Variants in AFG2A observed in about 807,000 individuals in gnomAD.
AFG2A encodes AAA ATPase AFG2A.
chr4:123,151,534 G>A, the AFG2A span, among the ~76,000 whole-genome samples: 8 of 152,086 alleles, frequency 5.3e-5, no homozygotes, highest in African/African-American at 1.9e-4. Context: ...AGAAAAAAAG[G>A]TCATCACTGG....
chr4:123,171,862 C>T, the AFG2A span, among the ~76,000 whole-genome samples: 6 of 151,744 alleles, frequency 4.0e-5, no homozygotes, highest in Non-Finnish European at 7.4e-5. Context: ...CTGTGTGTGA[C>T]GTAGTTTAAA....
chr4:123,090,971 T>C, the AFG2A span, among the ~76,000 whole-genome samples: 1 of 152,222 alleles, frequency 6.6e-6, no homozygotes, highest in Admixed American at 6.5e-5. Context: ...CATTGCAAGC[T>C]AGTCTCTCAA....
chr4:122,996,367 T>C, the AFG2A span, among the ~76,000 whole-genome samples: 1 of 152,172 alleles, frequency 6.6e-6, no homozygotes, highest in African/African-American at 2.4e-5. Flanking sequence ...AACTTAATTT[T>C]AGTTGAATGG....
the AFG2A span, among the ~76,000 whole-genome samples, chr4:122,936,946 C>A: frequency 6.6e-6 from 1 of 152,156 alleles, no homozygotes; most frequent in African/African-American, 2.4e-5. Context: ...TGCCATTGCA[C>A]TCCAGCATGG....
At chr4:123,114,653 C>T in the AFG2A span, among the ~76,000 whole-genome samples, 1 of 152,236 alleles carries the variant, frequency 6.6e-6, no homozygotes. Context: ...CACCAGGAGA[C>T]CCAGGCCCAC....
chr4:123,043,760 T>A, the AFG2A span, among the ~76,000 whole-genome samples: 1 of 152,218 alleles, frequency 6.6e-6, no homozygotes, highest in African/African-American at 2.4e-5. Flanking sequence ...CCCATTGAAA[T>A]TCCTGCAAAA....
chr4:122,944,478 C>G, the AFG2A span, among the ~76,000 whole-genome samples: 8 of 152,224 alleles, frequency 5.3e-5, no homozygotes, highest in African/African-American at 1.4e-4. Flanking sequence ...CCTTGGCTTT[C>G]AGCTCCATCA....
At chr4:123,198,969 C>A in the AFG2A span, among the ~76,000 whole-genome samples, 1 of 152,136 alleles carries the variant, frequency 6.6e-6, no homozygotes, top group Non-Finnish European at 1.5e-5. Context: ...TTAATACTGG[C>A]AGACTTGAGG....
the AFG2A span, among the ~76,000 whole-genome samples, chr4:123,076,875 A>T: frequency 1.3e-5 from 2 of 151,890 alleles, no homozygotes; most frequent in African/African-American, 4.8e-5. Flanking sequence ...ATGTTTCAGA[A>T]GTACCACAGA....
chr4:123,071,777 T>C, the AFG2A span, among the ~76,000 whole-genome samples: 2 of 152,254 alleles, frequency 1.3e-5, no homozygotes, highest in Non-Finnish European at 2.9e-5. Flanking sequence ...TGCTGAATGT[T>C]GATCATAATC....
the AFG2A span, among the ~76,000 whole-genome samples, chr4:123,137,446 T>C: frequency 6.6e-6 from 1 of 152,212 alleles, no homozygotes; most frequent in South Asian, 2.1e-4. Flanking sequence ...CATTTATCAA[T>C]TGTTGCACCC....
chr4:123,133,287 A>G, the AFG2A span, among the ~76,000 whole-genome samples: 1 of 152,196 alleles, frequency 6.6e-6, no homozygotes, highest in East Asian at 1.9e-4. Context: ...TGAAACAATG[A>G]CAACATTGGT....
chr4:122,960,937 A>C, the AFG2A span, among the ~76,000 whole-genome samples: 1 of 152,246 alleles, frequency 6.6e-6, no homozygotes. Context: ...AGTTAGAATT[A>C]AAATATTGAT....
chr4:123,149,830 G>T, the AFG2A span, among the ~76,000 whole-genome samples: 1 of 121,124 alleles, frequency 8.3e-6, no homozygotes, highest in African/African-American at 3.7e-5. Flanking sequence ...TTTTTGGTCA[G>T]AGTCTCACTC....
the AFG2A span, among the ~76,000 whole-genome samples, chr4:123,272,325 G>A: frequency 0.17 from 25,579 of 151,778 alleles, 2,540 homozygotes; most frequent in African/African-American, 0.28. Flanking sequence ...CCATTTTCAG[G>A]TGTTTGTTAT....
chr4:123,025,735 G>A, the AFG2A span, among the ~76,000 whole-genome samples: 1 of 152,046 alleles, frequency 6.6e-6, no homozygotes, highest in African/African-American at 2.4e-5. Flanking sequence ...CCCTGCAAAC[G>A]TTGTTGTATA....
At chr4:123,213,496 G>A in the AFG2A span, among the ~76,000 whole-genome samples, 2 of 152,218 alleles carry the variant, frequency 1.3e-5, no homozygotes, top group East Asian at 3.9e-4. Flanking sequence ...AGTATTCACT[G>A]CACCTCTGAG....
chr4:122,944,277 C>T, the AFG2A span, among the ~76,000 whole-genome samples: 1 of 151,980 alleles, frequency 6.6e-6, no homozygotes, highest in Non-Finnish European at 1.5e-5. Flanking sequence ...GTACACCAAT[C>T]AGACGTAGAT....
chr4:123,294,972 A>G, the AFG2A span, among the ~76,000 whole-genome samples: 4 of 152,194 alleles, frequency 2.6e-5, no homozygotes, highest in Admixed American at 6.5e-5. Context: ...TATAAATACA[A>G]CCATCCTAAT....
Sources: gnomAD v4.1 joint callset for allele counts (sites outside exome capture counted in the v4.1 genomes callset) on GRCh38, gnomAD v4.1.1 for gene constraint, MANE v1.5 for transcripts, NCBI Gene and HGNC (gene_info 2026-07-23, HGNC 2026-07-21) for gene names.